The following SLCO2B1 variants were observed in gnomAD, a reference collection of about 807,000 sequenced individuals.
SLCO2B1 encodes the protein OATP-RP2.
SLCO2B1 carries 41 observed loss-of-function variants against 67.3 expected under a neutral mutation model. The ratio of observed to expected loss-of-function variants is 0.61; its 90% CI spans 0.47 to 0.79. The LOEUF (loss-of-function observed/expected upper bound fraction) is 0.79. Among genes scored for constraint, SLCO2B1 ranks in the 30% least tolerant of loss-of-function variants. SLCO2B1 has a pLI of 0.00. For missense variants in SLCO2B1, 837 were observed against 920.1 expected, an observed-to-expected ratio of 0.91 and a Z score of 1.17; for synonymous variants, 379 against 381.4, an observed-to-expected ratio of 0.99 and a Z score of 0.07.
intron 7 of SLCO2B1, among the ~76,000 whole-genome samples, chr11:75,178,196 A>G (rs962555947): frequency 1.3e-5 from 2 of 152,088 alleles, no homozygotes; most frequent in Non-Finnish European, 2.9e-5. Flanking sequence ...AGGTGCGTCT[A>G]CCATGCAATA....
chr11:75,181,479 A>T (rs761244987), intron 7 of SLCO2B1, among the ~76,000 whole-genome samples: 1 of 152,116 alleles, frequency 6.6e-6, no homozygotes, highest in Non-Finnish European at 1.5e-5. Context: ...GAGGAAGTTA[A>T]GCAGATCTCT....
intron 4 of SLCO2B1, among the ~76,000 whole-genome samples, chr11:75,167,545 C>T (rs11236363): frequency 0.044 from 6,729 of 152,220 alleles, 499 homozygotes; most frequent in African/African-American, 0.15. Flanking sequence ...GGCTATTCCA[C>T]TCACTTATTC....
chr11:75,197,709 T>TTCAG (rs989880095), intron 10 of SLCO2B1, among the ~76,000 whole-genome samples: 2 of 152,082 alleles, frequency 1.3e-5, no homozygotes, highest in Admixed American at 6.5e-5. Context: ...CTAGCGAGCA[T>TTCAG]TCAGTCAGTC....
intron 1 of SLCO2B1, among the ~76,000 whole-genome samples, chr11:75,162,313 A>G (rs1383802357): frequency 2.0e-5 from 3 of 152,070 alleles, no homozygotes; most frequent in Admixed American, 6.5e-5. Flanking sequence ...GGCTTACCCT[A>G]CTGCTGGGGC....
intron 1 of SLCO2B1, among the ~76,000 whole-genome samples, chr11:75,155,135 C>G (rs1223049805): frequency 6.6e-6 from 1 of 152,132 alleles, no homozygotes; most frequent in Non-Finnish European, 1.5e-5. Flanking sequence ...CGCAAACCTG[C>G]CAGATCTCCT....
chr11:75,174,020 T>C (rs1949996041), intron 7 of SLCO2B1, among the ~76,000 whole-genome samples: 2 of 152,106 alleles, frequency 1.3e-5, no homozygotes, highest in Non-Finnish European at 2.9e-5. Context: ...CAGGCTGGTC[T>C]CGAACCCCTA....
chr11:75,179,352 C>T lies in SLCO2B1; in HGVS notation c.972+6783C>T, dbSNP rs186001406. On this transcript the variant is annotated intron_variant, in intron 7 of 13. Coordinates refer to ENST00000289575, the MANE Select transcript of SLCO2B1 (RefSeq NM_007256.5). ...GTTCAAGCAATTCTCCTGCCTCAGC[C>T]TTCTGAGTAGCTGGGATTACAGGTG... Among the ~76,000 whole-genome samples the T allele has an allele frequency of 1.7e-3, 252 of 151,032 alleles. 3 individuals carry two copies. Among genetic ancestry groups the T allele is most frequent in the African/African-American group, 6.0e-3 (246 of 41,036 alleles).
intron 7 of SLCO2B1, among the ~76,000 whole-genome samples, chr11:75,177,851 T>C (rs142944514): frequency 2.6e-5 from 4 of 152,082 alleles, no homozygotes; most frequent in Non-Finnish European, 5.9e-5. Flanking sequence ...ATCTCAGCAC[T>C]TTAGGAGGCT....
At chr11:75,189,765 A>G (rs1944990666) in intron 8 of SLCO2B1, among the ~76,000 whole-genome samples, 1 of 152,074 alleles carries the variant, frequency 6.6e-6, no homozygotes, top group Non-Finnish European at 1.5e-5. Context: ...AGGACAACAT[A>G]AGGAGACCCT....
intron 11 of SLCO2B1, chr11:75,200,610 G>A: frequency 2.1e-6 from 1 of 475,764 alleles, no homozygotes; most frequent in Non-Finnish European, 3.7e-6. Context: ...TTCAGGAGCT[G>A]GCCCCCATCA....
chr11:75,195,089 C>G (rs1273462031), intron 9 of SLCO2B1, among the ~76,000 whole-genome samples: 1 of 152,222 alleles, frequency 6.6e-6, no homozygotes, highest in African/African-American at 2.4e-5. Flanking sequence ...TGTTATTAGC[C>G]CCATTTCACA....
chr11:75,157,940 T>A (rs1196621518), intron 1 of SLCO2B1, among the ~76,000 whole-genome samples: 1 of 152,086 alleles, frequency 6.6e-6, no homozygotes, highest in South Asian at 2.1e-4. Context: ...CGTGAGCCAC[T>A]GCGCCTGGCC....
intron 7 of SLCO2B1, among the ~76,000 whole-genome samples, chr11:75,174,048 C>T (rs1028594557): frequency 2.0e-5 from 3 of 152,130 alleles, no homozygotes; most frequent in East Asian, 3.9e-4. Context: ...GTGATCTGCC[C>T]GCCTCAGCCT....
At chr11:75,200,096 T>C in intron 10 of SLCO2B1, 128 bp from the exon 11 acceptor site, 3 of 958,856 alleles carry the variant, frequency 3.1e-6, no homozygotes, top group Non-Finnish European at 4.6e-6. Flanking sequence ...GATCTCGGAC[T>C]CCCAGCCAGC....
At chr11:75,172,329 G>T in intron 6 of SLCO2B1, 50 bp from the exon 7 acceptor site, 1 of 1,532,478 alleles carries the variant, frequency 6.5e-7, no homozygotes, top group Non-Finnish European at 8.9e-7. Context: ...CGGCTTAGAA[G>T]TGACAGCCTA....
intron 7 of SLCO2B1, among the ~76,000 whole-genome samples, chr11:75,185,007 T>C (rs1435076058): frequency 6.6e-6 from 1 of 152,032 alleles, no homozygotes; most frequent in Non-Finnish European, 1.5e-5. Flanking sequence ...GCCTGCTCCC[T>C]GCTGGAATGA....
chr11:75,191,742 A>G (rs1945025986), intron 8 of SLCO2B1, among the ~76,000 whole-genome samples: 1 of 152,130 alleles, frequency 6.6e-6, no homozygotes. Context: ...CTCTCCCTCC[A>G]TACCTTATAT....
At chr11:75,154,069 G>C (rs893687576) in intron 1 of SLCO2B1, among the ~76,000 whole-genome samples, 1 of 151,714 alleles carries the variant, frequency 6.6e-6, no homozygotes, top group Non-Finnish European at 1.5e-5. Context: ...GGGACTACAG[G>C]CACTCACCAC....
chr11:75,183,048 A>G (rs1474349650), intron 7 of SLCO2B1, among the ~76,000 whole-genome samples: 1 of 152,216 alleles, frequency 6.6e-6, no homozygotes, highest in African/African-American at 2.4e-5. Context: ...AGGAGCAAGG[A>G]TTCACTGATT....
Sources: gnomAD v4.1 joint callset for allele counts (sites outside exome capture counted in the v4.1 genomes callset) on GRCh38, gnomAD v4.1.1 for gene constraint, MANE v1.5 for transcripts, NCBI Gene and HGNC (gene_info 2026-07-23, HGNC 2026-07-21) for gene names.